ESPL1: variants seen among roughly 807,000 people sequenced by gnomAD.
ESPL1 encodes the protein separin.
Under a neutral mutation model 217.2 loss-of-function variants are expected in ESPL1, and 50 were observed. The observed-to-expected ratio is 0.23, with a 90% CI of 0.18 to 0.29. ESPL1 has a LOEUF of 0.29. ESPL1 is among the 10% of genes least tolerant of loss of function. The probability of loss-of-function intolerance (pLI) is 1.00; values close to 1 mark genes in which losing one functional copy is unlikely to be tolerated. For synonymous variants in ESPL1, 994 were observed against 1,081.3 expected (o/e 0.92, Z 1.58); for missense variants, 1,834 against 2,603.0 (o/e 0.70, Z 6.43).
At chr12:53,277,398 A>T in intron 9 of ESPL1, 72 bp from the exon 10 acceptor site, 1 of 1,544,324 alleles carries the variant, frequency 6.5e-7, no homozygotes, top group South Asian at 1.2e-5. Flanking sequence ...CTCCCACCTC[A>T]GCCTGCCGAG....
Position 53,290,867 on chromosome 12 carries a change from T to G in ESPL1, c.5391T>G (p.Ser1797=). 6.2e-7 allele frequency: 1 copy of G among 1,609,976 alleles called. No individual in the cohort carries two copies. The highest frequency in any genetic ancestry group is 1.3e-5 in the African/African-American group (1 of 75,034). ...TTCTCATCGCTTCCCTAGAGAAGTC[T>G]GTGCTGGGCTGCTGGAAGGGGCTGC... ...MEVLIASLEK[S]VLGCWKGLLL... is the part of the protein sequence containing the mutation. The change falls in exon 25 of 31, where the codon TCT becomes TCG. Residue 1797 remains serine, a synonymous_variant. Transcript: ENST00000257934.
At position 53,292,097 on chromosome 12, in the gene ESPL1, C is replaced by A. The variant is rs1334844722; in HGVS notation, c.5796+9C>A. ...ACTCCATCATCAAAGAGGTGGGGTTCAGGGCGTAGTGTCTGGGGATGACTG... is the reference window on the plus strand; with the variant it reads ...ACTCCATCATCAAAGAGGTGGGGTTAAGGGCGTAGTGTCTGGGGATGACTG... On this transcript the variant is annotated intron_variant, in intron 27 of 30. Transcript: ENST00000257934. This position sits in a 1 kb window ranked among gnomAD's most constrained non-coding sequence, Gnocchi z 4.5. The A allele has an allele frequency of 6.2e-7, 1 of 1,605,300 alleles. No individual in the cohort carries two copies. Among genetic ancestry groups the A allele is most frequent in the Admixed American group, 1.7e-5 (1 of 59,988 alleles).
chr12:53,289,667 GTT>G lies in ESPL1; in HGVS notation c.5113+76_5113+77del, dbSNP rs1944018324. 5.4e-6 allele frequency: 7 copies of G among 1,304,698 alleles called. No individual in the cohort carries two copies. In the South Asian group the frequency reaches 9.2e-5, roughly 17 times the overall value. 80.8% of individuals were successfully genotyped at this position (1,304,698 alleles called of 1,614,324 possible). On this transcript the variant is annotated intron_variant, in intron 22 of 30. Transcript: ENST00000257934. ...TCTTACTTGGGAGCTGGGTGAAGGA[GTT>G]TTAGGCATTGGTTAGTTTACATAGA...
rs760968100 is a variant in ESPL1, at chr12:53,274,920, G to A, written c.1610G>A (p.Cys537Tyr). 4.3e-6 allele frequency: 7 copies of A among 1,610,746 alleles called. No homozygotes were observed. Among genetic ancestry groups the A allele is most frequent in the East Asian group, 2.2e-5 (1 of 44,826 alleles). The change falls in exon 7 of 31, where the codon TGT (cysteine) becomes TAT (tyrosine). Residue 537 changes from cysteine (C) to tyrosine (Y), a missense_variant. Around this residue, in one of 5 missense-constraint regions of ESPL1, gnomAD observed 746 missense variants for 1,077.0 expected, o/e 0.69. Coordinates refer to ENST00000257934, the MANE Select transcript of ESPL1 (RefSeq NM_012291.5). Reference protein sequence around the residue: ...VILWLAALQPCSPEHMAEPVT... With the variant: ...VILWLAALQPYSPEHMAEPVT... The stretch of plus-strand genomic sequence containing the variant: ...TTGTGGCTGGCAGCCCTGCAACCCT[G>A]TAGCCCTGAACACATGGCTGAGCCA...
Position 53,274,999 on chromosome 12 carries a change from G to A in ESPL1, c.1689G>A (p.Glu563=). Residue 563 remains glutamate (E), a synonymous_variant, in exon 7 of 31, where the codon GAG becomes GAA. Transcript: ENST00000257934. ...KMDAARAGDK[E]LQLKTLRDSL... is the part of the protein sequence containing the mutation. Reference sequence around the variant, plus strand: ...ATGCGGCCAGGGCTGGAGACAAGGAGCTACAGCTAAAGTGAGTTGAGGGCC... The same window carrying A: ...ATGCGGCCAGGGCTGGAGACAAGGAACTACAGCTAAAGTGAGTTGAGGGCC... 1 of 1,538,896 alleles carries A rather than the reference G, an allele frequency of 6.5e-7. No homozygotes were observed. The highest frequency in any genetic ancestry group is 2.3e-5 in the East Asian group (1 of 42,728).
Position 53,284,160 on chromosome 12 carries a change from T to A in ESPL1, c.3180T>A (p.Ser1060=), listed in dbSNP as rs1003477487. ...DLQQVLFLLE[S]CTEFGGVTQH... ...AGCAGGTTCTGTTCTTGCTTGAGTC[T>A]TGCACAGGTGAGCAGCCATGTCCCC... Residue 1060 remains serine (S), a synonymous_variant, in exon 17 of 31, where the codon TCT becomes TCA. Coordinates refer to ENST00000257934, the MANE Select transcript of ESPL1 (RefSeq NM_012291.5). 6.2e-7 allele frequency: 1 copy of A among 1,604,140 alleles called. No homozygotes were observed. Among genetic ancestry groups the A allele is most frequent in the Admixed American group, 1.7e-5 (1 of 59,986 alleles).
chr12:53,278,471 G>A (rs1943808234), intron 11 of ESPL1, among the ~76,000 whole-genome samples: 1 of 108,210 alleles, frequency 9.2e-6, no homozygotes, highest in Non-Finnish European at 1.9e-5. Flanking sequence ...GCAAGATGCT[G>A]TTTCACGCTA....
intron 10 of ESPL1, 22 bp from the exon 11 acceptor site, chr12:53,277,799 T>A: frequency 6.2e-7 from 1 of 1,612,144 alleles, no homozygotes; most frequent in Non-Finnish European, 8.5e-7. Flanking sequence ...GAGACAGCAG[T>A]CATTTTCTTC....
intron 16 of ESPL1, 53 bp from the exon 17 acceptor site, chr12:53,284,005 T>A: frequency 1.5e-6 from 2 of 1,332,908 alleles, no homozygotes; most frequent in Non-Finnish European, 2.2e-6. Context: ...AGAAAGACTC[T>A]CCAGGAAAAC....
At chr12:53,288,509 A>C (rs559304768) in intron 19 of ESPL1, 29 bp from the exon 20 acceptor site, 2 of 1,591,848 alleles carry the variant, frequency 1.3e-6, no homozygotes, top group Admixed American at 1.8e-5. Context: ...GGGAGGGAGC[A>C]CTGTGAAAAA....
At position 53,270,358 on chromosome 12, in the gene ESPL1, C is replaced by T. The variant is rs372582421; in HGVS notation, c.1144-20C>T. The T allele has an allele frequency of 1.4e-5, 21 of 1,550,960 alleles. No individual in the cohort carries two copies. The African/African-American group carries it at 1.4e-4, about 10-fold the overall frequency. On this transcript the variant is annotated intron_variant, in intron 3 of 30. Transcript: ENST00000257934. The stretch of plus-strand genomic sequence containing the variant: ...TCTTTATCTCTACTCCTCATACCAA[C>T]CTTCCGCTTCCTTCCTCAGGTGTAT...
rs142928188 is a variant in ESPL1 at position 53,288,283 on chromosome 12, C to T, written c.4488C>T (p.Asn1496=). ...TCCCTGAGGAAGAACTGACTGACAA[C>T]TGGAGAAAAATGAGCTTTGAGATCC... ...RTIPEEELTD[N]WRKMSFEILR... Residue 1496 remains asparagine, a synonymous_variant, in exon 19 of 31, where the codon AAC becomes AAT. Coordinates refer to ENST00000257934, the MANE Select transcript of ESPL1 (RefSeq NM_012291.5). The T allele has an allele frequency of 1.3e-4, 212 of 1,605,584 alleles. No homozygotes were observed. Among genetic ancestry groups the T allele is most frequent in the Non-Finnish European group, 1.7e-4 (201 of 1,176,750 alleles).
Position 53,286,513 on chromosome 12 carries a change from C to T in ESPL1, c.3777C>T (p.Pro1259=). Residue 1259 remains proline (P), a synonymous_variant, in exon 18 of 31, where the codon CCC becomes CCT. Coordinates refer to ENST00000257934, the MANE Select transcript of ESPL1 (RefSeq NM_012291.5). The surrounding 1 kb of genome is among the most constrained non-coding windows in gnomAD (Gnocchi z 5.3). ...TGAAGTTTGTAGCAGCACGGATACC[C>T]CACCTAGAGCCCTGGCGAGCCAGCC... is the stretch of plus-strand genomic sequence containing the variant. ...SGLKFVAARI[P]HLEPWRASLL... is the part of the protein sequence containing the mutation. The T allele has an allele frequency of 1.2e-6, 2 of 1,614,222 alleles. No individual in the cohort carries two copies. The highest frequency in any genetic ancestry group is 1.7e-6 in the Non-Finnish European group (2 of 1,180,030).
rs116096552 is a variant in ESPL1, at chr12:53,274,518, C to A, written c.1507-299C>A. Reference sequence around the variant, plus strand: ...AGAGAAGGGAACATCAGAGATGGCCCCACATTTCTTACTCAGGAGAAGGCA... The same window carrying A: ...AGAGAAGGGAACATCAGAGATGGCCACACATTTCTTACTCAGGAGAAGGCA... On this transcript the variant is annotated intron_variant, in intron 6 of 30. Transcript: ENST00000257934. 5.3e-3 allele frequency: 1,434 copies of A among 270,678 alleles called. 24 individuals carry two copies. Among genetic ancestry groups the A allele is most frequent in the African/African-American group, 0.031 (1,350 of 43,638 alleles). 16.8% of individuals were successfully genotyped at this position (270,678 alleles called of 1,614,324 possible).
rs1943978048 is a variant in ESPL1 at position 53,287,919 on chromosome 12, G to A, written c.4177-53G>A. ...CCACTACGCCACCTGCTGTCACAAG[G>A]TGTCTTGTCACTGAAGACCTCTTAG... On this transcript the variant is annotated intron_variant, in intron 18 of 30. Transcript: ENST00000257934. 4.6e-6 allele frequency: 7 copies of A among 1,513,184 alleles called. No homozygotes were observed. The East Asian group carries it at 1.1e-4, about 25-fold the overall frequency. The allele number at this position is 1,513,184 out of a possible 1,614,324, so 93.7% of individuals were successfully genotyped here. A position where few individuals can be genotyped will look rare whatever the true frequency, so the allele number is the denominator to read the frequency against.
At chr12:53,274,574 A>G (rs1184863655) in intron 6 of ESPL1, 1 of 423,980 alleles carries the variant, frequency 2.4e-6, no homozygotes, top group Admixed American at 4.2e-5. Context: ...TTACAGGAGA[A>G]GCAGGTTTTC....
At position 53,277,959 on chromosome 12, in the gene ESPL1, A is replaced by G; in HGVS notation, c.2363A>G (p.Lys788Arg). ...ILAALYQLVA[K>R]PMQALEVLLL... ...GCAGCCCTCTACCAGCTGGTGGCAA[A>G]GGTAATGGGGTGGGGCATTGAGGGG... is the stretch of plus-strand genomic sequence containing the variant. Residue 788 changes from lysine (K) to arginine (R), a missense_variant and splice_region_variant, in exon 11 of 31, where the codon AAG becomes AGG. Coordinates refer to ENST00000257934, the MANE Select transcript of ESPL1 (RefSeq NM_012291.5). 1 of 1,613,350 alleles carries G rather than the reference A, an allele frequency of 6.2e-7. No individual in the cohort carries two copies. The highest frequency in any genetic ancestry group is 8.5e-7 in the Non-Finnish European group (1 of 1,179,858).
rs1943949630 is a variant in ESPL1, at chr12:53,286,440, T to C, written c.3704T>C (p.Leu1235Pro). 1 of 1,614,222 alleles carries C rather than the reference T, an allele frequency of 6.2e-7. No individual in the cohort carries two copies. Among genetic ancestry groups the C allele is most frequent in the Non-Finnish European group, 8.5e-7 (1 of 1,180,038 alleles). The change falls in exon 18 of 31, where the codon CTG becomes CCG. Residue 1235 changes from leucine to proline, a missense_variant. Physicochemically the swap from Leu to Pro is moderately conservative, Grantham distance 98 (BLOSUM62 -3). Coordinates refer to ENST00000257934, the MANE Select transcript of ESPL1 (RefSeq NM_012291.5). This position sits in a 1 kb window ranked among gnomAD's most constrained non-coding sequence, Gnocchi z 5.3. ...TACACACTGTTGGCACTGGAGGGCC[T>C]GAACCAGCCATCAAACGAGAGCCTG... The part of the protein sequence containing the change: ...QAYTLLALEG[L>P]NQPSNESLQK...
intron 11 of ESPL1, among the ~76,000 whole-genome samples, chr12:53,278,339 C>T (rs1422276498): frequency 6.6e-6 from 1 of 151,758 alleles, no homozygotes; most frequent in Non-Finnish European, 1.5e-5. Context: ...TAGCCCGGTG[C>T]GGTGGCATGT....
Sources: gnomAD v4.1 joint callset for allele counts (sites outside exome capture counted in the v4.1 genomes callset) on GRCh38, gnomAD v4.1.1 for gene constraint, gnomAD v4.1.1 regional missense constraint, Gnocchi (gnomAD v3.1) non-coding constraint, MANE v1.5 for transcripts, NCBI Gene and HGNC (gene_info 2026-07-23, HGNC 2026-07-21) for gene names.